The following HPS4 variants were observed in gnomAD, a reference collection of about 807,000 sequenced individuals.
The protein encoded by HPS4 is HPS4 biogenesis of lysosomal organelles complex 3 subunit 2.
HPS4 carries 44 observed loss-of-function variants against 70.3 expected under a neutral mutation model. That is an observed-to-expected ratio of 0.63 (90% CI 0.49 to 0.80). The LOEUF is 0.80. Among genes scored for constraint, HPS4 ranks in the 30% least tolerant of loss-of-function variants. The pLI is 0.00. For synonymous variants in HPS4, 377 were observed against 355.9 expected (o/e 1.06, Z -0.67); for missense variants, 873 against 884.4 (o/e 0.99, Z 0.16).
intron 1 of HPS4, chr22:26,482,837 T>G (rs746979158): frequency 6.6e-6 from 1 of 152,218 alleles, no homozygotes; most frequent in Non-Finnish European, 1.5e-5. Flanking sequence ...GTTCCAGATT[T>G]TACATCTGCC....
intron 12 of HPS4, 139 bp downstream of exon 12, chr22:26,458,306 G>A (rs941258442): frequency 1.4e-5 from 15 of 1,045,810 alleles, no homozygotes; most frequent in Admixed American, 1.1e-4. Flanking sequence ...CTGGGCTCCC[G>A]GTGAGAAGAG....
chr22:26,464,350 G>A lies in HPS4; in HGVS notation c.1280C>T (p.Pro427Leu), dbSNP rs1299807712. Residue 427 changes from proline to leucine, a missense_variant, in exon 11 of 14, where the codon CCT becomes CTT. Physicochemically the swap from Pro to Leu is moderately conservative, Grantham distance 98. Coordinates refer to ENST00000398145, the MANE Select transcript of HPS4 (RefSeq NM_022081.6). ...PEDTAISSLR[P>L]PSAPEMLTQH... ...GGTCAGCATCTCAGGAGCAGAGGGA[G>A]GGCGCAAGCTGCTGATGGCTGTGTC... 1.9e-6 allele frequency: 3 copies of A among 1,614,026 alleles called. No individual in the cohort carries two copies. The highest frequency in any genetic ancestry group is 2.5e-6 in the Non-Finnish European group (3 of 1,180,034).
exon 4 of HPS4, chr22:26,444,338 G>A (rs576407030): frequency 5.9e-5 from 9 of 152,228 alleles, no homozygotes; most frequent in African/African-American, 1.7e-4. Flanking sequence ...TGTGCACTGC[G>A]TGACAATGAC....
intron 11 of HPS4, among the ~76,000 whole-genome samples, chr22:26,459,189 A>C: frequency 6.6e-6 from 1 of 152,358 alleles, no homozygotes; most frequent in East Asian, 1.9e-4. Context: ...TACACCTAGC[A>C]CGGTCCTGGC....
downstream of HPS4, chr22:26,443,345 T>C (rs143945741): frequency 2.1e-4 from 139 of 665,844 alleles, no homozygotes; most frequent in African/African-American, 2.2e-3. Context: ...GGATTTTATA[T>C]CATGTCGGGT....
chr22:26,480,793 C>T (rs1434598636), intron 2 of HPS4, among the ~76,000 whole-genome samples: 1 of 152,064 alleles, frequency 6.6e-6, no homozygotes, highest in Non-Finnish European at 1.5e-5. Flanking sequence ...TGGGGTGTGC[C>T]TCTGGTTCCA....
At position 26,483,751 on chromosome 22, in the gene HPS4, C is replaced by T. The variant is rs992304415; in HGVS notation, c.-556G>A. 3.2e-5 allele frequency: 17 copies of T among 524,852 alleles called. No individual in the cohort carries two copies. In the African/African-American group the frequency reaches 3.4e-4, roughly 11 times the overall value. 32.5% of individuals were successfully genotyped at this position (524,852 alleles called of 1,614,324 possible). ...GTGGGCAGCAGCTGGGTACCTGCGA[C>T]TTCTGCCCCGTACCTGCGCGCGCGG... is the stretch of plus-strand genomic sequence containing the variant. On this transcript the variant is annotated 5_prime_UTR_variant, in exon 1 of 14. Transcript: ENST00000398145.
intron 11 of HPS4, among the ~76,000 whole-genome samples, chr22:26,460,309 T>C (rs1398959345): frequency 1.3e-5 from 2 of 152,266 alleles, no homozygotes; most frequent in African/African-American, 4.8e-5. Context: ...TAATATCTCA[T>C]GTTCAGATCA....
In HPS4 at chr22:26,453,167, T is replaced by C. The variant is rs1386172445; in HGVS notation, c.*66A>G. ...AAGAAAAATAAAATAGAGGGGCCTT[T>C]TCAATTATAAAAGGCAGAGCTTCCT... On this transcript the variant is annotated 3_prime_UTR_variant, in exon 14 of 14. Transcript: ENST00000398145. 6.6e-7 allele frequency: 1 copy of C among 1,508,164 alleles called. No individual in the cohort carries two copies. Among genetic ancestry groups the C allele is most frequent in the African/African-American group, 1.4e-5 (1 of 72,378 alleles). 93.4% of individuals were successfully genotyped at this position (1,508,164 alleles called of 1,614,324 possible). A position where few individuals can be genotyped will look rare whatever the true frequency, so the allele number is the denominator to read the frequency against.
At chr22:26,472,708 C>A in intron 5 of HPS4, 124 bp downstream of exon 5, 1 of 853,936 alleles carries the variant, frequency 1.2e-6, no homozygotes. Context: ...GAGCTCCTGA[C>A]CTTGTCCCCA....
At chr22:26,466,398 G>A in intron 8 of HPS4, 136 bp from the exon 9 acceptor site, 1 of 942,738 alleles carries the variant, frequency 1.1e-6, no homozygotes, top group South Asian at 1.4e-5. Flanking sequence ...CATGCTAAGA[G>A]CCAAGCAGAT....
chr22:26,470,322 G>A (rs1358163298), intron 7 of HPS4, among the ~76,000 whole-genome samples: 1 of 152,254 alleles, frequency 6.6e-6, no homozygotes, highest in African/African-American at 2.4e-5. Flanking sequence ...GAGCTGAGCT[G>A]AGGCAAGCAC....
chr22:26,472,442 C>T, intron 5 of HPS4, 24 bp from the exon 6 acceptor site: 1 of 1,398,226 alleles, frequency 7.2e-7, no homozygotes. Context: ...AGCCTCAGGT[C>T]AATATCTGAG....
In HPS4 at chr22:26,470,642, T is replaced by C. The variant is rs1488882575; in HGVS notation, c.596+77A>G. The C allele has an allele frequency of 1.0e-5, 15 of 1,428,570 alleles. No homozygotes were observed. The African/African-American group carries it at 2.1e-4, about 20-fold the overall frequency. 88.5% of individuals were successfully genotyped at this position (1,428,570 alleles called of 1,614,324 possible). A position where few individuals can be genotyped will look rare whatever the true frequency, so the allele number is the denominator to read the frequency against. On this transcript the variant is annotated intron_variant, in intron 7 of 13. Transcript: ENST00000398145. ...ACTGGCCAGAGACTGGGCTCCCCAC[T>C]GTGATCTGGAGGTGGCTGATGGTCA...
At position 26,465,531 on chromosome 22, in the gene HPS4, C is replaced by T. The variant is rs749572804; in HGVS notation, c.727G>A (p.Val243Ile). Residue 243 changes from valine (V) to isoleucine (I), a missense_variant, in exon 10 of 14, where the codon GTC becomes ATC. Transcript: ENST00000398145. ...GTCACAAAAACAGGGATAATCTGGACATTCGGGGGCAATGCCGCTCCTGGA... is the reference window on the plus strand; with the variant it reads ...GTCACAAAAACAGGGATAATCTGGATATTCGGGGGCAATGCCGCTCCTGGA... ...QEHGAALPPN[V>I]QIIPVFVTKE... is the part of the protein sequence containing the mutation. The T allele has an allele frequency of 2.1e-5, 34 of 1,613,902 alleles. No individual in the cohort carries two copies. The South Asian group carries it at 3.7e-4, about 18-fold the overall frequency.
chr22:26,476,936 T>A (rs781753719), intron 4 of HPS4, 57 bp downstream of exon 4: 1 of 1,588,628 alleles, frequency 6.3e-7, no homozygotes, highest in East Asian at 2.2e-5. Context: ...AGAAACAACA[T>A]AACTTCCTAA....
intron 7 of HPS4, among the ~76,000 whole-genome samples, chr22:26,469,521 T>C (rs2089406997): frequency 1.3e-5 from 2 of 151,460 alleles, no homozygotes; most frequent in African/African-American, 2.4e-5. Flanking sequence ...CCTCTATTGA[T>C]TGATTTGTTT....
chr22:26,476,756 T>C (rs2090603846), intron 4 of HPS4: 1 of 505,164 alleles, frequency 2.0e-6, no homozygotes, highest in African/African-American at 1.9e-5. Context: ...GCCTAAGTCT[T>C]TGAAAGGAAA....
chr22:26,477,251 T>C (rs192717656), intron 3 of HPS4, 115 bp from the exon 4 acceptor site: 1 of 1,058,618 alleles, frequency 9.4e-7, no homozygotes, highest in Non-Finnish European at 1.5e-6. Flanking sequence ...CGTTTTCCTA[T>C]GGCCTGTAAG....
Sources: allele counts gnomAD v4.1 joint callset (sites outside exome capture counted in the v4.1 genomes callset), GRCh38; gene constraint gnomAD v4.1.1; transcripts MANE v1.5; gene names NCBI Gene and HGNC (gene_info 2026-07-23, HGNC 2026-07-21).